Variants in GALNT18 observed in about 807,000 individuals in gnomAD.
GALNT18 encodes polypeptide N-acetylgalactosaminyltransferase 18, also known as GalNAc-transferase 18.
Under a neutral mutation model 69.5 loss-of-function variants are expected in GALNT18, and 44 were observed. The observed-to-expected ratio is 0.63, with a 90% CI of 0.50 to 0.81. The LOEUF is 0.81. GALNT18 is among the 40% of genes least tolerant of loss of function. The pLI, the probability that GALNT18 is intolerant of heterozygous loss-of-function variation, is 0.00. For synonymous variants in GALNT18, 364 were observed against 318.2 expected (o/e 1.14, Z -1.53); for missense variants, 715 against 810.0 (o/e 0.88, Z 1.42).
Position 11,602,117 on chromosome 11 carries a change from A to T in GALNT18, c.235+19242T>A, listed in dbSNP as rs56207245. ...GCCCCTATCCCTGGGCAGAATATCT[A>T]TACCACTGCTCTGGAGTTGTAAGTA... On this transcript the variant is annotated intron_variant, in intron 1 of 10. Coordinates refer to ENST00000227756, the MANE Select transcript of GALNT18 (RefSeq NM_198516.3). The surrounding 1 kb of genome is among the most constrained non-coding windows in gnomAD (Gnocchi z 4.7). Among the ~76,000 whole-genome samples, 41,767 of 152,058 alleles carry T rather than the reference A, an allele frequency of 0.27. 6,055 individuals carry two copies. Among genetic ancestry groups the T allele is most frequent in the Non-Finnish European group, 0.32 (21,968 of 67,972 alleles).
intron 1 of GALNT18, among the ~76,000 whole-genome samples, chr11:11,477,528 C>T (rs34486584): frequency 0.16 from 24,459 of 152,162 alleles, 2,345 homozygotes; most frequent in African/African-American, 0.26. Flanking sequence ...TCTCCCTCCT[C>T]CTTTCTAGAA....
rs1859319360 is a variant in GALNT18 at position 11,590,059 on chromosome 11, A to G, written c.235+31300T>C. ...GACTTTACCTAGGGGTGATATTCAA[A>G]TATGTAATAACCAATGCAGCATGGT... On this transcript the variant is annotated intron_variant, in intron 1 of 10. Transcript: ENST00000227756. This position sits in a 1 kb window ranked among gnomAD's most constrained non-coding sequence, Gnocchi z 4.4. Among the ~76,000 whole-genome samples, 1 of 152,218 alleles carries G rather than the reference A, an allele frequency of 6.6e-6. No homozygotes were observed. Among genetic ancestry groups the G allele is most frequent in the South Asian group, 2.1e-4 (1 of 4,832 alleles).
Position 11,402,876 on chromosome 11 carries a change from G to A in GALNT18, c.596-23612C>T, listed in dbSNP as rs1854499750. On this transcript the variant is annotated intron_variant, in intron 3 of 10. Coordinates refer to ENST00000227756, the MANE Select transcript of GALNT18 (RefSeq NM_198516.3). The surrounding 1 kb of genome is among the most constrained non-coding windows in gnomAD (Gnocchi z 4.0). ...TGTCCCCACGGGCCCCGGAGATGGT[G>A]TAATGCTTGTTTCTCTTTGGAGTTA... 6.6e-6 allele frequency among the ~76,000 whole-genome samples: 1 copy of A among 152,230 alleles called. No individual in the cohort carries two copies. Among genetic ancestry groups the A allele is most frequent in the African/African-American group, 2.4e-5 (1 of 41,470 alleles).
Position 11,293,213 on chromosome 11 carries a change from G to C in GALNT18, c.1513-20C>G. 1 of 1,317,478 alleles carries C rather than the reference G, an allele frequency of 7.6e-7. No homozygotes were observed. The highest frequency in any genetic ancestry group is 9.8e-7 in the Non-Finnish European group (1 of 1,024,222). 81.6% of individuals were successfully genotyped at this position (1,317,478 alleles called of 1,614,324 possible). Reference sequence around the variant, plus strand: ...CACGTTCTGGGGGCGGAGGGAGGGAGAGAGTGTGGATAAATGCCAATGGCC... The same window carrying C: ...CACGTTCTGGGGGCGGAGGGAGGGACAGAGTGTGGATAAATGCCAATGGCC... On this transcript the variant is annotated intron_variant, in intron 9 of 10. Coordinates refer to ENST00000227756, the MANE Select transcript of GALNT18 (RefSeq NM_198516.3).
At chr11:11,374,530 G>A (rs1190861616) in intron 5 of GALNT18, among the ~76,000 whole-genome samples, 1 of 152,200 alleles carries the variant, frequency 6.6e-6, no homozygotes, top group Non-Finnish European at 1.5e-5. Flanking sequence ...GGGCACGCTG[G>A]AAAAATGCTT....
chr11:11,410,448 A>C (rs1485113900), intron 3 of GALNT18, among the ~76,000 whole-genome samples: 1 of 152,216 alleles, frequency 6.6e-6, no homozygotes, highest in Non-Finnish European at 1.5e-5. Flanking sequence ...AAACCTAGGA[A>C]AAGCCCTAAC....
chr11:11,271,652 C>T (rs988614837), intron 10 of GALNT18, among the ~76,000 whole-genome samples: 4 of 105,850 alleles, frequency 3.8e-5, no homozygotes, highest in Non-Finnish European at 8.4e-5. Context: ...GACGACCCAT[C>T]ATTGGCCTGC....
At chr11:11,427,488 A>G (rs775687975) in intron 3 of GALNT18, among the ~76,000 whole-genome samples, 8 of 152,158 alleles carry the variant, frequency 5.3e-5, no homozygotes, top group Non-Finnish European at 1.0e-4. Context: ...AGACATTCCG[A>G]CGGCTCTGCT....
intron 3 of GALNT18, among the ~76,000 whole-genome samples, chr11:11,385,247 C>CGAG (rs2133702665): frequency 6.6e-6 from 1 of 152,176 alleles, no homozygotes; most frequent in African/African-American, 2.4e-5. Context: ...GGATCCACTC[C>CGAG]CATGACTCAA....
At position 11,543,816 on chromosome 11, in the gene GALNT18, G is replaced by A. The variant is rs1212199025; in HGVS notation, c.235+77543C>T. Among the ~76,000 whole-genome samples, 4 of 152,166 alleles carry A rather than the reference G, an allele frequency of 2.6e-5. No homozygotes were observed. The highest frequency in any genetic ancestry group is 9.7e-5 in the African/African-American group (4 of 41,440). On this transcript the variant is annotated intron_variant, in intron 1 of 10. Transcript: ENST00000227756. This position sits in a 1 kb window ranked among gnomAD's most constrained non-coding sequence, Gnocchi z 5.1. Reference sequence around the variant, plus strand: ...GCCACGGTGGGTGGGTGTGGTTATTGCTCCCATTTCTTCTTCTGGCGCTCT... The same window carrying A: ...GCCACGGTGGGTGGGTGTGGTTATTACTCCCATTTCTTCTTCTGGCGCTCT...
rs1302546799 is a variant in GALNT18, at chr11:11,540,292, G to T, written c.235+81067C>A. Among the ~76,000 whole-genome samples the T allele has an allele frequency of 1.3e-5, 2 of 152,204 alleles. No individual in the cohort carries two copies. Among genetic ancestry groups the T allele is most frequent in the African/African-American group, 4.8e-5 (2 of 41,448 alleles). On this transcript the variant is annotated intron_variant, in intron 1 of 10. Transcript: ENST00000227756. The surrounding 1 kb of genome is among the most constrained non-coding windows in gnomAD (Gnocchi z 4.6). ...ACTTTGTTGAAGGGCCCTGGAAGGT[G>T]CAGGATAAATGTTTTTCTTCGTCGT...
rs1432174604 is a variant in GALNT18, at chr11:11,603,172, A to G, written c.235+18187T>C. On this transcript the variant is annotated intron_variant, in intron 1 of 10. Coordinates refer to ENST00000227756, the MANE Select transcript of GALNT18 (RefSeq NM_198516.3). The surrounding 1 kb of genome is among the most constrained non-coding windows in gnomAD (Gnocchi z 4.5). ...CTCCCAAGACAATTTATTTCTAATG[A>G]GAATTCAACATGGAGAAAACTGGGC... 1.3e-5 allele frequency among the ~76,000 whole-genome samples: 2 copies of G among 152,224 alleles called. No homozygotes were observed. Among genetic ancestry groups the G allele is most frequent in the African/African-American group, 4.8e-5 (2 of 41,462 alleles).
At position 11,613,071 on chromosome 11, in the gene GALNT18, T is replaced by C. The variant is rs983149143; in HGVS notation, c.235+8288A>G. Among the ~76,000 whole-genome samples the C allele has an allele frequency of 1.3e-5, 2 of 152,162 alleles. No individual in the cohort carries two copies. Among genetic ancestry groups the C allele is most frequent in the African/African-American group, 4.8e-5 (2 of 41,428 alleles). On this transcript the variant is annotated intron_variant, in intron 1 of 10. Transcript: ENST00000227756. This position sits in a 1 kb window ranked among gnomAD's most constrained non-coding sequence, Gnocchi z 4.2. ...AAAATAAACCTTCCAAAAACTGAAA[T>C]TGAATGTCAGGCAGTGAAAGAGAAC... is the stretch of plus-strand genomic sequence containing the variant.
chr11:11,328,997 A>G (rs117320971), intron 8 of GALNT18, among the ~76,000 whole-genome samples: 1 of 139,602 alleles, frequency 7.2e-6, no homozygotes, highest in Non-Finnish European at 1.7e-5. Context: ...CCCACCCCCC[A>G]CCATCCCTTA....
chr11:11,418,627 CTTAT>C (rs1291400341), intron 3 of GALNT18, among the ~76,000 whole-genome samples: 1 of 152,192 alleles, frequency 6.6e-6, no homozygotes, highest in Non-Finnish European at 1.5e-5. Flanking sequence ...GTGTGCTTTG[CTTAT>C]TTGAGTGTTA....
At chr11:11,392,368 C>T (rs1854214064) in intron 3 of GALNT18, among the ~76,000 whole-genome samples, 1 of 152,150 alleles carries the variant, frequency 6.6e-6, no homozygotes, top group African/African-American at 2.4e-5. Context: ...GCCTGTAATC[C>T]CAGCACTCTG....
At chr11:11,388,806 C>T (rs1478979734) in intron 3 of GALNT18, among the ~76,000 whole-genome samples, 1 of 152,248 alleles carries the variant, frequency 6.6e-6, no homozygotes, top group Admixed American at 6.5e-5. Flanking sequence ...ATATATTATG[C>T]ACATATGATG....
At chr11:11,599,259 T>A (rs1344734829) in intron 1 of GALNT18, among the ~76,000 whole-genome samples, 2 of 152,144 alleles carry the variant, frequency 1.3e-5, no homozygotes, top group Non-Finnish European at 2.9e-5. Context: ...TTTTGCTTCA[T>A]GTATTTTAGT....
chr11:11,411,268 C>G (rs1294411394), intron 3 of GALNT18, among the ~76,000 whole-genome samples: 1 of 152,186 alleles, frequency 6.6e-6, no homozygotes, highest in Admixed American at 6.5e-5. Flanking sequence ...GAGCTGTGGT[C>G]ACCACTGCCT....
Sources: allele counts gnomAD v4.1 joint callset (sites outside exome capture counted in the v4.1 genomes callset), GRCh38; gene constraint gnomAD v4.1.1; non-coding constraint Gnocchi (gnomAD v3.1); transcripts MANE v1.5; gene names NCBI Gene and HGNC (gene_info 2026-07-23, HGNC 2026-07-21).